OSBPL1A: variants seen among roughly 807,000 people sequenced by gnomAD.
OSBPL1A encodes the protein oxysterol-binding protein-related protein 1.
Under a neutral mutation model 137.1 loss-of-function variants are expected in OSBPL1A, and 80 were observed. The observed-to-expected ratio is 0.58, with a 90% CI of 0.49 to 0.70. The LOEUF is 0.70. OSBPL1A is among the 30% of genes least tolerant of loss of function. The pLI is 0.00. For synonymous variants in OSBPL1A, 365 were observed against 389.7 expected, an observed-to-expected ratio of 0.94 and a Z score of 0.75; for missense variants, 970 against 1,129.4, an observed-to-expected ratio of 0.86 and a Z score of 2.02.
chr18:24,252,981 AAG>A (rs1481857000), intron 15 of OSBPL1A, among the ~76,000 whole-genome samples: 1 of 152,140 alleles, frequency 6.6e-6, no homozygotes, highest in East Asian at 1.9e-4. Flanking sequence ...AAAAAATAAA[AAG>A]CAAGAAATTA....
chr18:24,289,619 C>T (rs2090140233), intron 14 of OSBPL1A, among the ~76,000 whole-genome samples: 1 of 151,944 alleles, frequency 6.6e-6, no homozygotes, highest in African/African-American at 2.4e-5. Context: ...CAGGGTTTCG[C>T]CATGTTGGGC....
At chr18:24,234,957 A>G (rs1259567476) in intron 16 of OSBPL1A, among the ~76,000 whole-genome samples, 1 of 152,192 alleles carries the variant, frequency 6.6e-6, no homozygotes, top group Non-Finnish European at 1.5e-5. Context: ...TCACTACTGC[A>G]TCTGAGGCCT....
At chr18:24,239,911 T>C (rs2088631054) in intron 15 of OSBPL1A, among the ~76,000 whole-genome samples, 1 of 141,376 alleles carries the variant, frequency 7.1e-6, no homozygotes, top group Admixed American at 8.1e-5. Context: ...AAACATTCTA[T>C]TTTTCATTTT....
At chr18:24,182,434 A>T (rs1004622669) in intron 18 of OSBPL1A, among the ~76,000 whole-genome samples, 2 of 152,196 alleles carry the variant, frequency 1.3e-5, no homozygotes, top group Non-Finnish European at 2.9e-5. Flanking sequence ...CAGGTCTTTC[A>T]TGAGGCCTGC....
chr18:24,338,176 G>A (rs1017487926), intron 5 of OSBPL1A, among the ~76,000 whole-genome samples: 2 of 150,968 alleles, frequency 1.3e-5, no homozygotes, highest in African/African-American at 4.9e-5. Flanking sequence ...GGGTTCAAGT[G>A]ATTCTCCTGC....
At chr18:24,259,926 T>C (rs2089400124) in intron 15 of OSBPL1A, among the ~76,000 whole-genome samples, 1 of 152,182 alleles carries the variant, frequency 6.6e-6, no homozygotes, top group African/African-American at 2.4e-5. Flanking sequence ...GCAAATCATA[T>C]ATCTAACAAG....
chr18:24,230,645 G>T (rs967798570), intron 16 of OSBPL1A, among the ~76,000 whole-genome samples: 1 of 152,106 alleles, frequency 6.6e-6, no homozygotes, highest in African/African-American at 2.4e-5. Context: ...CTAGACTTCA[G>T]ACAATGGCAG....
chr18:24,254,856 A>G (rs2089223352), intron 15 of OSBPL1A, among the ~76,000 whole-genome samples: 2 of 152,218 alleles, frequency 1.3e-5, no homozygotes, highest in South Asian at 4.1e-4. Context: ...TAAAGATCAG[A>G]GCAGAAATAA....
At chr18:24,296,374 ATTTG>A (rs1353133713) in intron 14 of OSBPL1A, among the ~76,000 whole-genome samples, 4 of 152,032 alleles carry the variant, frequency 2.6e-5, no homozygotes, top group Non-Finnish European at 5.9e-5. Context: ...ACTTTATTGA[ATTTG>A]TTTATGAGAT....
chr18:24,165,074 C>T lies in OSBPL1A; in HGVS notation c.2741G>A (p.Trp914Ter). 6.2e-7 allele frequency: 1 copy of T among 1,614,174 alleles called. No homozygotes were observed. The highest frequency in any genetic ancestry group is 8.5e-7 in the Non-Finnish European group (1 of 1,180,040). ...RKNRSKSEED[W>*]KTRWFHQGPN... ...TGACTCAGGCACGCACCTCGTCTTCCAGTCCTCTTCTGACTTGGACCTGTT... is the reference window on the plus strand; with the variant it reads ...TGACTCAGGCACGCACCTCGTCTTCTAGTCCTCTTCTGACTTGGACCTGTT... The change falls in exon 27 of 28, where the codon TGG becomes TAG. Residue 914 changes from tryptophan to a stop codon, truncating the protein, a stop_gained. Coordinates refer to ENST00000319481, the MANE Select transcript of OSBPL1A (RefSeq NM_080597.4). LOFTEE classifies it high-confidence loss of function.
At chr18:24,333,500 A>T (rs1458531421) in intron 6 of OSBPL1A, among the ~76,000 whole-genome samples, 2 of 152,218 alleles carry the variant, frequency 1.3e-5, no homozygotes, top group African/African-American at 4.8e-5. Context: ...TCAAGGTTCT[A>T]CTGAATTTGT....
intron 19 of OSBPL1A, 132 bp downstream of exon 19, chr18:24,181,013 C>T (rs1016767677): frequency 1.4e-5 from 15 of 1,069,940 alleles, no homozygotes; most frequent in South Asian, 1.3e-4. Context: ...TCCAGACATG[C>T]GGACTGAGCT....
intron 18 of OSBPL1A, among the ~76,000 whole-genome samples, chr18:24,195,166 C>T (rs1055413941): frequency 1.3e-5 from 2 of 151,830 alleles, no homozygotes; most frequent in African/African-American, 4.8e-5. Context: ...CCAGGTGTGG[C>T]ACGACGCGCC....
chr18:24,266,337 A>G (rs557203086), intron 15 of OSBPL1A, among the ~76,000 whole-genome samples: 1 of 152,332 alleles, frequency 6.6e-6, no homozygotes, highest in South Asian at 2.1e-4. Context: ...AACCAGACAC[A>G]GGTTATCCTG....
chr18:24,331,323 C>T lies in OSBPL1A; in HGVS notation c.625+1619G>A, dbSNP rs571910257. On this transcript the variant is annotated intron_variant, in intron 7 of 27. Transcript: ENST00000319481. The stretch of plus-strand genomic sequence containing the variant: ...GGTCCTGTGGGACCCCTGATGAGGC[C>T]TAACCCAGGCTGGTAGCAGGCAGCA... 3.3e-5 allele frequency among the ~76,000 whole-genome samples: 5 copies of T among 151,906 alleles called. No individual in the cohort carries two copies. In the East Asian group the frequency reaches 9.7e-4, roughly 29 times the overall value.
At chr18:24,287,883 T>C (rs2090096867) in intron 14 of OSBPL1A, among the ~76,000 whole-genome samples, 1 of 152,188 alleles carries the variant, frequency 6.6e-6, no homozygotes, top group African/African-American at 2.4e-5. Context: ...GTCTCACCTA[T>C]TGGATTCTTC....
chr18:24,242,316 A>AC (rs58671518), intron 15 of OSBPL1A, among the ~76,000 whole-genome samples: 22 of 148,030 alleles, frequency 1.5e-4, no homozygotes, highest in East Asian at 4.0e-4. Flanking sequence ...AAACAAACAA[A>AC]AAAGATTCAG....
intron 2 of OSBPL1A, among the ~76,000 whole-genome samples, chr18:24,369,016 T>G (rs1379028471): frequency 1.3e-5 from 2 of 152,190 alleles, no homozygotes; most frequent in Non-Finnish European, 2.9e-5. Flanking sequence ...TCCTGAGGCC[T>G]CCCTGTCAAG....
At chr18:24,299,002 T>C (rs1453868232) in intron 14 of OSBPL1A, among the ~76,000 whole-genome samples, 1 of 152,242 alleles carries the variant, frequency 6.6e-6, no homozygotes, top group Non-Finnish European at 1.5e-5. Context: ...TTATCTTTTT[T>C]AAACTGTTAT....
Sources: allele counts gnomAD v4.1 joint callset (sites outside exome capture counted in the v4.1 genomes callset), GRCh38; gene constraint gnomAD v4.1.1; transcripts MANE v1.5; gene names NCBI Gene and HGNC (gene_info 2026-07-23, HGNC 2026-07-21).